The following MAMLD1 variants were observed in gnomAD, a reference collection of about 807,000 sequenced individuals.
MAMLD1 encodes mastermind like domain containing 1.
A neutral mutation model predicts 45.0 loss-of-function variants in MAMLD1; 14 were observed. The observed-to-expected ratio is 0.31, with a 90% CI of 0.21 to 0.49. MAMLD1 has a LOEUF of 0.49. MAMLD1 is among the 20% of genes least tolerant of loss of function. The probability of loss-of-function intolerance (pLI) is 0.99; values close to 1 mark genes in which losing one functional copy is unlikely to be tolerated. For missense variants in MAMLD1, 543 were observed against 603.6 expected, an observed-to-expected ratio of 0.90 and a Z score of 1.05; for synonymous variants, 254 against 247.8, an observed-to-expected ratio of 1.02 and a Z score of -0.24.
chrX:150,483,981 C>T (rs1482919676), intron 5 of MAMLD1, among the ~76,000 whole-genome samples: 1 of 112,271 alleles, frequency 8.9e-6, no homozygotes, highest in African/African-American at 3.2e-5. Context: ...ATAAGCCAAT[C>T]GATTTTGGTC....
chrX:150,511,153 C>G (rs893887742), intron 7 of MAMLD1, among the ~76,000 whole-genome samples: 2 of 111,936 alleles, frequency 1.8e-5, no homozygotes, highest in Admixed American at 1.9e-4. Context: ...CCTACCTGAC[C>G]TTGGGTAAAC....
intron 5 of MAMLD1, among the ~76,000 whole-genome samples, chrX:150,481,329 G>A (rs899261175): frequency 1.8e-5 from 2 of 112,580 alleles, no homozygotes; most frequent in African/African-American, 6.5e-5. Flanking sequence ...GACACCCATT[G>A]GGATGGTTAT....
intron 1 of MAMLD1, among the ~76,000 whole-genome samples, chrX:150,365,555 C>T (rs781853704): frequency 4.1e-4 from 47 of 113,258 alleles, no homozygotes; most frequent in African/African-American, 1.4e-3. Context: ...CAGCGGGCGC[C>T]CCTCGCCGCC....
chrX:150,463,463 T>C (rs145587911), intron 3 of MAMLD1, among the ~76,000 whole-genome samples: 2,061 of 112,250 alleles, frequency 0.018, 42 homozygotes, highest in African/African-American at 0.063. Flanking sequence ...GCTTGTTCAA[T>C]GGCAGAATAC....
chrX:150,377,083 C>T (rs1025836522), intron 1 of MAMLD1, among the ~76,000 whole-genome samples: 1 of 113,255 alleles, frequency 8.8e-6, no homozygotes, highest in Admixed American at 9.3e-5. Context: ...CCCGAACAGC[C>T]ACCAACTTTG....
Position 150,471,284 on chromosome X carries a change from C to T in MAMLD1, c.1711C>T (p.His571Tyr). 1 of 1,211,568 alleles carries T rather than the reference C, an allele frequency of 8.3e-7. No homozygotes were observed. Among genetic ancestry groups the T allele is most frequent in the Non-Finnish European group, 1.1e-6 (1 of 895,452 alleles). ...CACCTCTAGGCAGCCTTCCCTGCTC[C>T]ACTACCTGCAGCAGCCGACACCAAC... ...PTTSRQPSLL[H>Y]YLQQPTPTQA... The change falls in exon 4 of 8, where the codon CAC (histidine) becomes TAC (tyrosine). Residue 571 changes from histidine (H) to tyrosine (Y), a missense_variant. By Grantham distance (83) the His-to-Tyr change is moderately conservative. Transcript: ENST00000370401.
chrX:150,398,284 G>GAAGAAGAAGAAC (rs1569564549), intron 1 of MAMLD1, among the ~76,000 whole-genome samples: 11 of 75,493 alleles, frequency 1.5e-4, no homozygotes, highest in African/African-American at 5.8e-4. Context: ...AGAAGAAGAA[G>GAAGAAGAAGAAC]AAGAAGAAGA....
upstream of MAMLD1, among the ~76,000 whole-genome samples, chrX:150,362,275 G>A (rs2031040769): frequency 1.8e-5 from 2 of 111,090 alleles, no homozygotes; most frequent in African/African-American, 6.6e-5. Flanking sequence ...TAGCCCTAGG[G>A]TCAGGCTCTG....
intron 3 of MAMLD1, among the ~76,000 whole-genome samples, chrX:150,467,125 CCT>C (rs2036249285): frequency 9.0e-6 from 1 of 111,408 alleles, no homozygotes; most frequent in African/African-American, 3.3e-5. Context: ...TGCAGGGGAT[CCT>C]TATGTCAAAT....
intron 5 of MAMLD1, among the ~76,000 whole-genome samples, chrX:150,486,312 GA>G (rs2036984498): frequency 9.0e-6 from 1 of 111,599 alleles, no homozygotes; most frequent in Admixed American, 9.5e-5. Context: ...ATCTCTGTCA[GA>G]AGAGCCAGGA....
At chrX:150,495,081 C>A (rs1307521568) in intron 5 of MAMLD1, among the ~76,000 whole-genome samples, 1 of 111,431 alleles carries the variant, frequency 9.0e-6, no homozygotes, top group South Asian at 3.7e-4. Flanking sequence ...TGGCATGTGC[C>A]TGTAATCCTA....
At chrX:150,428,071 T>C (rs190220120) in intron 1 of MAMLD1, among the ~76,000 whole-genome samples, 4 of 111,014 alleles carry the variant, frequency 3.6e-5, no homozygotes, top group African/African-American at 1.3e-4. Flanking sequence ...CAGTGATAAC[T>C]CTGGGGTTAC....
chrX:150,450,376 A>T (rs1322432493), intron 2 of MAMLD1, among the ~76,000 whole-genome samples: 1 of 111,934 alleles, frequency 8.9e-6, no homozygotes, highest in Non-Finnish European at 1.9e-5. Context: ...CCCCTGCTTC[A>T]TGCAGGCTGA....
At chrX:150,509,567 C>A in intron 6 of MAMLD1, 1 of 189,576 alleles carries the variant, frequency 5.3e-6, no homozygotes, top group Non-Finnish European at 9.8e-6. Flanking sequence ...AGGACTGTCA[C>A]CTCCCTCCTT....
chrX:150,378,494 T>C (rs1383698341), intron 1 of MAMLD1, among the ~76,000 whole-genome samples: 5 of 111,931 alleles, frequency 4.5e-5, no homozygotes, highest in Non-Finnish European at 9.4e-5. Context: ...GCTGTTAGTA[T>C]CCTAGTACAC....
At chrX:150,392,885 C>A (rs1239503789) in intron 1 of MAMLD1, among the ~76,000 whole-genome samples, 6 of 110,492 alleles carry the variant, frequency 5.4e-5, no homozygotes, top group Non-Finnish European at 1.1e-4. Flanking sequence ...TAGCCTCCCC[C>A]CTCCCCCATT....
chrX:150,375,726 G>C (rs1479907458), intron 1 of MAMLD1, among the ~76,000 whole-genome samples: 2 of 104,196 alleles, frequency 1.9e-5, no homozygotes, highest in African/African-American at 7.3e-5. Context: ...GCTTAGCACA[G>C]GGTCACTACG....
intron 5 of MAMLD1, among the ~76,000 whole-genome samples, chrX:150,498,809 A>T (rs1557408413): frequency 1.8e-5 from 2 of 112,390 alleles, no homozygotes; most frequent in African/African-American, 3.2e-5. Flanking sequence ...TTATTAATAG[A>T]TGCATACTTA....
intron 1 of MAMLD1, among the ~76,000 whole-genome samples, chrX:150,418,295 C>G (rs2034338718): frequency 9.0e-6 from 1 of 111,197 alleles, no homozygotes; most frequent in Admixed American, 9.5e-5. Context: ...TCCCTTTTAT[C>G]ATTTTTTATT....
Sources: allele counts gnomAD v4.1 joint callset (sites outside exome capture counted in the v4.1 genomes callset), GRCh38; gene constraint gnomAD v4.1.1; transcripts MANE v1.5; gene names NCBI Gene and HGNC (gene_info 2026-07-23, HGNC 2026-07-21).